Variants in CDKAL1 observed in about 807,000 individuals in gnomAD.
CDKAL1 encodes the protein threonylcarbamoyladenosine tRNA methylthiotransferase.
In CDKAL1, 32 loss-of-function variants were observed where a neutral mutation model predicts 68.2. The ratio of observed to expected loss-of-function variants is 0.47; its 90% CI spans 0.35 to 0.63. The LOEUF (loss-of-function observed/expected upper bound fraction) is 0.63, where lower values mean the gene tolerates loss of function less well. Ranked by LOEUF, CDKAL1 falls within the 30% of genes least tolerant of loss-of-function variation. CDKAL1 has a pLI of 0.00. For synonymous variants in CDKAL1, 234 were observed against 244.3 expected, an observed-to-expected ratio of 0.96 and a Z score of 0.39; for missense variants, 606 against 696.7, an observed-to-expected ratio of 0.87 and a Z score of 1.47.
chr6:20,938,652 A>G (rs1763834556), intron 9 of CDKAL1, among the ~76,000 whole-genome samples: 1 of 152,142 alleles, frequency 6.6e-6, no homozygotes, highest in South Asian at 2.1e-4. Flanking sequence ...TTCTCAGGAA[A>G]CCTTTTCTTC....
chr6:20,650,396 A>T (rs182133510), intron 5 of CDKAL1, among the ~76,000 whole-genome samples: 2 of 151,790 alleles, frequency 1.3e-5, no homozygotes, highest in African/African-American at 4.9e-5. Context: ...CCACTTTTTA[A>T]TGGGGTTGTT....
chr6:21,231,007 C>CT lies in CDKAL1; in HGVS notation c.1713dup (p.Ala572CysfsTer8), dbSNP rs771016696. 7 of 1,608,134 alleles carry CT rather than the reference C, an allele frequency of 4.4e-6. No homozygotes were observed. On this transcript the variant is annotated frameshift_variant, in exon 16 of 16. Transcript: ENST00000274695. LOFTEE classifies it high-confidence loss of function. The stretch of plus-strand genomic sequence containing the variant: ...CGTGGGCTTGGCTCTGCTGGGTCTT[C>CT]TTTTTGCTTTTTTTGTCAAGGTCTA...
At chr6:21,050,005 C>T (rs1368898649) in intron 11 of CDKAL1, among the ~76,000 whole-genome samples, 2 of 152,058 alleles carry the variant, frequency 1.3e-5, no homozygotes, top group Admixed American at 1.3e-4. Context: ...ATATTTCTTC[C>T]TTTACTTATG....
At chr6:20,852,732 G>T (rs1178727621) in intron 9 of CDKAL1, among the ~76,000 whole-genome samples, 1 of 152,154 alleles carries the variant, frequency 6.6e-6, no homozygotes, top group Non-Finnish European at 1.5e-5. Context: ...TCTGTCAGTG[G>T]TGTTTAAACT....
At chr6:20,537,376 G>A (rs779561177) in intron 2 of CDKAL1, among the ~76,000 whole-genome samples, 6 of 152,324 alleles carry the variant, frequency 3.9e-5, no homozygotes, top group Admixed American at 6.5e-5. Context: ...GGAGGCCAAG[G>A]CAGGTGGATC....
At chr6:20,808,006 A>T (rs548492422) in intron 8 of CDKAL1, among the ~76,000 whole-genome samples, 3 of 152,204 alleles carry the variant, frequency 2.0e-5, no homozygotes, top group Admixed American at 2.0e-4. Context: ...AATACTATAG[A>T]TACCTTCCAA....
intron 13 of CDKAL1, among the ~76,000 whole-genome samples, chr6:21,175,435 C>T (rs1381152340): frequency 6.6e-6 from 1 of 152,198 alleles, no homozygotes; most frequent in East Asian, 1.9e-4. Flanking sequence ...CAACAAAGCT[C>T]ATCTAGGTGA....
intron 5 of CDKAL1, among the ~76,000 whole-genome samples, chr6:20,731,700 T>C (rs565140906): frequency 6.6e-6 from 1 of 152,348 alleles, no homozygotes; most frequent in African/African-American, 2.4e-5. Flanking sequence ...ACATGTGTCA[T>C]AGAGACAAGC....
chr6:20,864,148 A>G (rs1759783695), intron 9 of CDKAL1, among the ~76,000 whole-genome samples: 1 of 145,526 alleles, frequency 6.9e-6, no homozygotes, highest in South Asian at 2.2e-4. Context: ...TAACTAAATT[A>G]ATTAATAAGT....
At chr6:20,843,272 T>A (rs1204518913) in intron 8 of CDKAL1, among the ~76,000 whole-genome samples, 1 of 152,086 alleles carries the variant, frequency 6.6e-6, no homozygotes, top group Non-Finnish European at 1.5e-5. Context: ...CATGTATCAA[T>A]TCATTTATGT....
intron 12 of CDKAL1, among the ~76,000 whole-genome samples, chr6:21,101,950 A>AT (rs1290280798): frequency 6.6e-6 from 1 of 151,622 alleles, no homozygotes; most frequent in African/African-American, 2.4e-5. Flanking sequence ...TTAAGGTGTT[A>AT]TTTTTTTTCT....
intron 4 of CDKAL1, among the ~76,000 whole-genome samples, chr6:20,633,345 CTA>C (rs1409832108): frequency 6.6e-6 from 1 of 152,170 alleles, no homozygotes; most frequent in East Asian, 1.9e-4. Context: ...CAAGATTCGC[CTA>C]TGTTGTGTGT....
intron 4 of CDKAL1, among the ~76,000 whole-genome samples, chr6:20,551,861 T>C (rs529819303): frequency 6.6e-6 from 1 of 152,018 alleles, no homozygotes; most frequent in East Asian, 1.9e-4. Flanking sequence ...ATGGTGTAGT[T>C]TGAGTATTAA....
intron 5 of CDKAL1, among the ~76,000 whole-genome samples, chr6:20,739,278 A>G (rs959459196): frequency 1.3e-5 from 2 of 152,204 alleles, no homozygotes; most frequent in Non-Finnish European, 1.5e-5. Flanking sequence ...TTTTTGTTTT[A>G]TAATGAGACG....
rs201606778 is a variant in CDKAL1 at position 20,934,630 on chromosome 6, AG to A, written c.743-20788del. ...GAGGCTGAGACAGAAGGAACACTTGAGCCCAGGAGTTCAAGACCAGGCATGG... is the reference window on the plus strand; with the variant it reads ...GAGGCTGAGACAGAAGGAACACTTGACCCAGGAGTTCAAGACCAGGCATGG... On this transcript the variant is annotated intron_variant, in intron 9 of 15. Transcript: ENST00000274695. 6.1e-3 allele frequency among the ~76,000 whole-genome samples: 922 copies of A among 152,158 alleles called. 19 individuals are homozygous for A. The highest frequency in any genetic ancestry group is 0.044 in the Admixed American group (674 of 15,276).
intron 6 of CDKAL1, among the ~76,000 whole-genome samples, chr6:20,748,554 G>GAAAAAAAAAAAAAAAAAAAAAAAAA (rs1773762406): frequency 1.3e-5 from 1 of 77,106 alleles, no homozygotes; most frequent in African/African-American, 4.8e-5. Context: ...CTCTGTTTCT[G>GAAAAAAAAAAAAAAAAAAAAAAAAA]GAAAAAAAAA....
At chr6:20,761,220 G>A (rs1299060910) in intron 7 of CDKAL1, among the ~76,000 whole-genome samples, 1 of 152,200 alleles carries the variant, frequency 6.6e-6, no homozygotes, top group African/African-American at 2.4e-5. Context: ...CAATATAGTG[G>A]TATGTTAAAA....
chr6:21,094,135 G>A (rs1206317162), intron 12 of CDKAL1, among the ~76,000 whole-genome samples: 1 of 152,124 alleles, frequency 6.6e-6, no homozygotes, highest in Non-Finnish European at 1.5e-5. Context: ...GCATGTGTAT[G>A]ATCATGGGAA....
At chr6:21,215,664 AG>A (rs1779315934) in intron 15 of CDKAL1, among the ~76,000 whole-genome samples, 1 of 152,158 alleles carries the variant, frequency 6.6e-6, no homozygotes, top group South Asian at 2.1e-4. Context: ...ATGGAAGCTA[AG>A]GGACCTTGTC....
Sources: gnomAD v4.1 joint callset for allele counts (sites outside exome capture counted in the v4.1 genomes callset) on GRCh38, gnomAD v4.1.1 for gene constraint, MANE v1.5 for transcripts, NCBI Gene and HGNC (gene_info 2026-07-23, HGNC 2026-07-21) for gene names.